FIP1L1: variants seen among roughly 807,000 people sequenced by gnomAD.
FIP1L1 encodes the protein pre-mRNA 3'-end-processing factor FIP1.
In FIP1L1, 21 loss-of-function variants were observed where a neutral mutation model predicts 84.6. The observed-to-expected ratio is 0.25, with a 90% CI of 0.18 to 0.36. The LOEUF (loss-of-function observed/expected upper bound fraction) is 0.36. Ranked by LOEUF, FIP1L1 falls within the 10% of genes least tolerant of loss-of-function variation. The pLI is 1.00. For missense variants in FIP1L1, 526 were observed against 751.1 expected, an observed-to-expected ratio of 0.70 and a Z score of 3.50; for synonymous variants, 263 against 242.3, an observed-to-expected ratio of 1.09 and a Z score of -0.80.
At chr4:53,440,809 C>A in intron 13 of FIP1L1, 1 of 512,804 alleles carries the variant, frequency 2.0e-6, no homozygotes, top group Non-Finnish European at 3.5e-6. Context: ...TTACCCGTTT[C>A]TGTAGAAATA....
At chr4:53,423,838 T>A (rs571006235) in intron 11 of FIP1L1, among the ~76,000 whole-genome samples, 2 of 152,286 alleles carry the variant, frequency 1.3e-5, no homozygotes, top group South Asian at 2.1e-4. Flanking sequence ...CAATTTAAAG[T>A]TGAAAAAAAC....
intron 3 of FIP1L1, among the ~76,000 whole-genome samples, chr4:53,381,218 A>G (rs560236568): frequency 1.9e-4 from 29 of 152,338 alleles, no homozygotes; most frequent in African/African-American, 6.7e-4. Context: ...GAGTAGGCCT[A>G]TTGAAGAAAG....
Position 53,414,708 on chromosome 4 carries a change from A to G in FIP1L1, c.909A>G (p.Glu303=), listed in dbSNP as rs140631187. The G allele has an allele frequency of 1.9e-6, 3 of 1,611,324 alleles. No homozygotes were observed. The African/African-American group carries it at 4.0e-5, about 22-fold the overall frequency. The change falls in exon 11 of 18, where the codon GAA becomes GAG. Residue 303 remains glutamate (E), a synonymous_variant. Coordinates refer to ENST00000337488, the MANE Select transcript of FIP1L1 (RefSeq NM_030917.4). ...GGCAGGATCGATATGGGAGGGCCGA[A>G]TCACCTGATCTAAGGTAAGGCTATT... ...GKWQDRYGRA[E]SPDLRRLPGA... is the part of the protein sequence containing the mutation.
intron 10 of FIP1L1, among the ~76,000 whole-genome samples, chr4:53,406,056 G>A (rs1163300900): frequency 6.6e-6 from 1 of 152,026 alleles, no homozygotes; most frequent in Non-Finnish European, 1.5e-5. Context: ...TTGAATAGGA[G>A]TGGTGAGAGA....
At chr4:53,458,572 A>C (rs1211025178) in intron 16 of FIP1L1, 81 bp from the exon 17 acceptor site, 3 of 1,431,176 alleles carry the variant, frequency 2.1e-6, no homozygotes, top group Non-Finnish European at 2.8e-6. Context: ...TTTGGACTGC[A>C]GATCACATCT....
intron 15 of FIP1L1, among the ~76,000 whole-genome samples, chr4:53,452,347 C>G (rs1716577798): frequency 6.7e-6 from 1 of 149,452 alleles, no homozygotes; most frequent in Non-Finnish European, 1.5e-5. Flanking sequence ...TTGAGATAGT[C>G]TCACTCTGTC....
At chr4:53,419,735 A>C (rs1269091937) in intron 11 of FIP1L1, among the ~76,000 whole-genome samples, 3 of 152,096 alleles carry the variant, frequency 2.0e-5, no homozygotes, top group Non-Finnish European at 1.5e-5. Flanking sequence ...GTGAGCCACT[A>C]TGCCGGCCCC....
intron 16 of FIP1L1, 96 bp from the exon 17 acceptor site, chr4:53,458,557 T>C: frequency 8.0e-7 from 1 of 1,248,438 alleles, no homozygotes; most frequent in Non-Finnish European, 1.1e-6. Flanking sequence ...TGTGAGGATT[T>C]TGGATTTGGA....
In FIP1L1 at chr4:53,459,475, TTAGTA is replaced by T. The variant is rs759204745; in HGVS notation, c.*27_*31del. On this transcript the variant is annotated 3_prime_UTR_variant, in exon 18 of 18. Coordinates refer to ENST00000337488, the MANE Select transcript of FIP1L1 (RefSeq NM_030917.4). ...GCATGGTTTTGGCCTTTTGTGTATA[TTAGTA>T]CCAGAAGTAGATACTATAAATCTTG... 2.5e-6 allele frequency: 4 copies of T among 1,613,050 alleles called. No individual in the cohort carries two copies. Among genetic ancestry groups the T allele is most frequent in the Admixed American group, 3.3e-5 (2 of 59,966 alleles).
intron 3 of FIP1L1, among the ~76,000 whole-genome samples, chr4:53,381,753 C>CTTTTTTTTTTTTTGTTTTTTT (rs1738077773): frequency 1.1e-5 from 1 of 87,948 alleles, no homozygotes; most frequent in African/African-American, 5.6e-5. Flanking sequence ...CATTTGCATT[C>CTTTTTTTTTTTTTGTTTTTTT]TTTTTTTTTT....
rs1325535348 is a variant in FIP1L1, at chr4:53,377,681, G to T, written c.-158G>T. The T allele has an allele frequency of 9.4e-6, 6 of 635,016 alleles. No individual in the cohort carries two copies. The African/African-American group carries it at 1.1e-4, about 12-fold the overall frequency. 39.3% of individuals were successfully genotyped at this position (635,016 alleles called of 1,614,324 possible). A position where few individuals can be genotyped will look rare whatever the true frequency, so the allele number is the denominator to read the frequency against. On this transcript the variant is annotated 5_prime_UTR_variant, in exon 1 of 18. Coordinates refer to ENST00000337488, the MANE Select transcript of FIP1L1 (RefSeq NM_030917.4). ...GACCTGCGCTGGAGGCTTCATCTTT[G>T]CCGCCGCTGCCGTCGCCTTCCTGGG...
chr4:53,456,157 G>A (rs535540879), intron 16 of FIP1L1, among the ~76,000 whole-genome samples: 9 of 152,180 alleles, frequency 5.9e-5, no homozygotes, highest in African/African-American at 2.2e-4. Flanking sequence ...ATGTTTATAA[G>A]TAAGGAACTT....
At chr4:53,410,026 T>C (rs1164325143) in intron 10 of FIP1L1, among the ~76,000 whole-genome samples, 1 of 152,210 alleles carries the variant, frequency 6.6e-6, no homozygotes, top group Non-Finnish European at 1.5e-5. Context: ...TGGCACTCCC[T>C]AGTGAGATGA....
chr4:53,459,535 T>C lies in FIP1L1; in HGVS notation c.*86T>C. On this transcript the variant is annotated 3_prime_UTR_variant, in exon 18 of 18. Transcript: ENST00000337488. ...TTTTCTGGATAATGTTTAAGAAATT[T>C]ACCTTAAATCTTGTTCTGTTTGTTA... The C allele has an allele frequency of 1.3e-6, 2 of 1,572,174 alleles. No homozygotes were observed. The highest frequency in any genetic ancestry group is 1.7e-6 in the Non-Finnish European group (2 of 1,146,716).
At chr4:53,422,882 T>G (rs544686878) in intron 11 of FIP1L1, among the ~76,000 whole-genome samples, 81 of 152,234 alleles carry the variant, frequency 5.3e-4, no homozygotes, top group Non-Finnish European at 1.0e-3. Flanking sequence ...GCCTAGCTGA[T>G]ATTTTAAATT....
intron 9 of FIP1L1, among the ~76,000 whole-genome samples, chr4:53,398,173 A>G (rs1419809661): frequency 6.6e-6 from 1 of 152,198 alleles, no homozygotes; most frequent in African/African-American, 2.4e-5. Flanking sequence ...TAGATATTCA[A>G]TAAATGATGT....
intron 13 of FIP1L1, among the ~76,000 whole-genome samples, chr4:53,438,491 T>C (rs980559216): frequency 6.6e-6 from 1 of 152,224 alleles, no homozygotes; most frequent in Non-Finnish European, 1.5e-5. Flanking sequence ...AATGAACATT[T>C]ACTTATAAAG....
At chr4:53,414,830 C>T in intron 11 of FIP1L1, 108 bp downstream of exon 11, 2 of 701,822 alleles carry the variant, frequency 2.8e-6, no homozygotes, top group Admixed American at 2.7e-5. Flanking sequence ...TTTTACCCTC[C>T]AACTTATGCT....
intron 5 of FIP1L1, among the ~76,000 whole-genome samples, chr4:53,386,678 G>A (rs1741253459): frequency 6.6e-6 from 1 of 152,188 alleles, no homozygotes; most frequent in Non-Finnish European, 1.5e-5. Flanking sequence ...TTAGATGCGT[G>A]CCTTGGAGGA....
Sources: gnomAD v4.1 joint callset for allele counts (sites outside exome capture counted in the v4.1 genomes callset) on GRCh38, gnomAD v4.1.1 for gene constraint, MANE v1.5 for transcripts, NCBI Gene and HGNC (gene_info 2026-07-23, HGNC 2026-07-21) for gene names.